The following SEMA3C variants were observed in gnomAD, a reference collection of about 807,000 sequenced individuals.
SEMA3C encodes semaphorin 3C, also known as semaphorin-3C.
In SEMA3C, 47 loss-of-function variants were observed where a neutral mutation model predicts 89.4. The ratio of observed to expected loss-of-function variants is 0.53; its 90% CI spans 0.42 to 0.67. SEMA3C has a LOEUF of 0.67. Ranked by LOEUF, SEMA3C falls within the 30% of genes least tolerant of loss-of-function variation. The probability of loss-of-function intolerance (pLI) is 0.00; values close to 1 mark genes in which losing one functional copy is unlikely to be tolerated. For synonymous variants in SEMA3C, 310 were observed against 320.2 expected, an observed-to-expected ratio of 0.97 and a Z score of 0.34; for missense variants, 839 against 929.1, an observed-to-expected ratio of 0.90 and a Z score of 1.26.
chr7:80,824,810 T>C (rs910738975), intron 4 of SEMA3C, among the ~76,000 whole-genome samples: 1 of 152,148 alleles, frequency 6.6e-6, no homozygotes, highest in African/African-American at 2.4e-5. Context: ...ATACAGGTGG[T>C]GACAATAATG....
intron 2 of SEMA3C, among the ~76,000 whole-genome samples, chr7:80,835,227 GAGCCCTTATCC>G (rs1790098459): frequency 6.6e-6 from 1 of 152,046 alleles, no homozygotes; most frequent in East Asian, 1.9e-4. Context: ...TACATTTATT[GAGCCCTTATCC>G]CAGCAGGCTA....
At chr7:80,893,912 A>T (rs1323079543) in intron 2 of SEMA3C, among the ~76,000 whole-genome samples, 1 of 152,194 alleles carries the variant, frequency 6.6e-6, no homozygotes, top group African/African-American at 2.4e-5. Flanking sequence ...TTACAACGTT[A>T]TGAGAGTTTT....
At chr7:80,849,889 A>G (rs1040077999) in intron 2 of SEMA3C, among the ~76,000 whole-genome samples, 1 of 152,138 alleles carries the variant, frequency 6.6e-6, no homozygotes, top group Non-Finnish European at 1.5e-5. Context: ...AAGATTTCTA[A>G]GCACATATAA....
chr7:80,805,629 G>T lies in SEMA3C; in HGVS notation c.658+10C>A. ...ATACTAAAAAATAAATGCATCAAAT[G>T]CTTTCTTACCACTTAGCCATTTGGA... On this transcript the variant is annotated intron_variant, in intron 7 of 17. Transcript: ENST00000265361. 2 of 1,589,688 alleles carry T rather than the reference G, an allele frequency of 1.3e-6. No individual in the cohort carries two copies. The highest frequency in any genetic ancestry group is 8.6e-7 in the Non-Finnish European group (1 of 1,169,282).
At chr7:80,778,094 C>T (rs979614833) in intron 12 of SEMA3C, among the ~76,000 whole-genome samples, 8 of 152,054 alleles carry the variant, frequency 5.3e-5, no homozygotes, top group African/African-American at 1.9e-4. Flanking sequence ...ATGGTATTGG[C>T]TCAAGTGATA....
intron 12 of SEMA3C, among the ~76,000 whole-genome samples, chr7:80,773,733 G>C (rs569494878): frequency 6.6e-6 from 1 of 152,298 alleles, no homozygotes; most frequent in South Asian, 2.1e-4. Context: ...GTGGTACAGA[G>C]TGTCAGAGCA....
chr7:80,899,283 C>T (rs775065247), intron 2 of SEMA3C, among the ~76,000 whole-genome samples: 8 of 152,158 alleles, frequency 5.3e-5, no homozygotes, highest in African/African-American at 1.4e-4. Flanking sequence ...TCAGGTAATC[C>T]GCCCATCTTG....
upstream of SEMA3C, chr7:80,919,429 G>T (rs1215760023): frequency 9.4e-6 from 9 of 958,332 alleles, no homozygotes; most frequent in East Asian, 6.9e-4. Context: ...CACAGGCTTT[G>T]CCTGGCCGTA....
chr7:80,853,156 A>T (rs934722064), intron 2 of SEMA3C, among the ~76,000 whole-genome samples: 94 of 152,222 alleles, frequency 6.2e-4, no homozygotes, highest in African/African-American at 2.2e-3. Context: ...GAATCTTTCC[A>T]TACTATTGAT....
At chr7:80,786,995 A>G (rs1263538452) in intron 12 of SEMA3C, among the ~76,000 whole-genome samples, 1 of 152,228 alleles carries the variant, frequency 6.6e-6, no homozygotes, top group East Asian at 1.9e-4. Flanking sequence ...AACACTGAGC[A>G]TAGGAAATGG....
At chr7:80,806,724 A>T (rs1431220317) in intron 6 of SEMA3C, among the ~76,000 whole-genome samples, 1 of 152,264 alleles carries the variant, frequency 6.6e-6, no homozygotes, top group East Asian at 1.9e-4. Context: ...TATTATAAAA[A>T]GCATGAAATT....
At position 80,918,828 on chromosome 7, in the gene SEMA3C, C is replaced by G; in HGVS notation, c.-39G>C. The stretch of plus-strand genomic sequence containing the variant: ...GCGGAAAATGACCAATTTAGCTTAC[C>G]GAGGTTGAAAGAAATCAGCACGGAA... On this transcript the variant is annotated splice_region_variant and 5_prime_UTR_variant, in exon 1 of 18. Transcript: ENST00000265361. 2.0e-6 allele frequency: 2 copies of G among 985,374 alleles called. No individual in the cohort carries two copies. Among genetic ancestry groups the G allele is most frequent in the Non-Finnish European group, 2.4e-6 (2 of 829,928 alleles). The allele number at this position is 985,374 out of a possible 1,614,324, so 61.0% of individuals were successfully genotyped here.
intron 2 of SEMA3C, among the ~76,000 whole-genome samples, chr7:80,845,759 G>C (rs1583934982): frequency 6.6e-6 from 1 of 152,196 alleles, no homozygotes; most frequent in East Asian, 1.9e-4. Flanking sequence ...ATGGGCACTA[G>C]GGGCAGTCTG....
chr7:80,808,673 A>G (rs1441267227), intron 6 of SEMA3C, among the ~76,000 whole-genome samples: 1 of 152,180 alleles, frequency 6.6e-6, no homozygotes, highest in African/African-American at 2.4e-5. Flanking sequence ...TCTATGGTTG[A>G]AAGATGAAAT....
At chr7:80,810,066 C>A (rs772548255) in intron 6 of SEMA3C, among the ~76,000 whole-genome samples, 1 of 151,958 alleles carries the variant, frequency 6.6e-6, no homozygotes, top group Non-Finnish European at 1.5e-5. Flanking sequence ...TGCATATTTC[C>A]GAATTGCTTA....
At position 80,850,990 on chromosome 7, in the gene SEMA3C, C is replaced by T. The variant is rs553753637; in HGVS notation, c.104-22245G>A. Among the ~76,000 whole-genome samples the T allele has an allele frequency of 1.9e-3, 293 of 152,176 alleles. 2 individuals are homozygous for T. Among genetic ancestry groups the T allele is most frequent in the African/African-American group, 6.7e-3 (279 of 41,544 alleles). On this transcript the variant is annotated intron_variant, in intron 2 of 17. Transcript: ENST00000265361. ...GGAGGCTTTGGGGATCTGTTTCTTG[C>T]TTCTTCCAGCTTCTATTCATTTCTT... is the stretch of plus-strand genomic sequence containing the variant.
chr7:80,883,780 C>CA (rs935950169), intron 2 of SEMA3C, among the ~76,000 whole-genome samples: 3 of 151,656 alleles, frequency 2.0e-5, no homozygotes, highest in African/African-American at 7.3e-5. Flanking sequence ...AAATCATGAG[C>CA]AAAAAAAATG....
At chr7:80,763,175 T>G (rs1006494439) in intron 13 of SEMA3C, among the ~76,000 whole-genome samples, 1 of 152,200 alleles carries the variant, frequency 6.6e-6, no homozygotes, top group Non-Finnish European at 1.5e-5. Context: ...GAAGAGATTA[T>G]GGTCCTGCAC....
At chr7:80,904,318 G>A (rs1791955887) in intron 2 of SEMA3C, among the ~76,000 whole-genome samples, 2 of 152,176 alleles carry the variant, frequency 1.3e-5, no homozygotes, top group South Asian at 4.1e-4. Context: ...TGGGATTACA[G>A]GCATGAGCCG....
Sources: gnomAD v4.1 joint callset for allele counts (sites outside exome capture counted in the v4.1 genomes callset) on GRCh38, gnomAD v4.1.1 for gene constraint, MANE v1.5 for transcripts, NCBI Gene and HGNC (gene_info 2026-07-23, HGNC 2026-07-21) for gene names.